PLXNA4: variants seen among roughly 807,000 people sequenced by gnomAD.
PLXNA4 encodes the protein plexin-A4.
Under a neutral mutation model 191.8 loss-of-function variants are expected in PLXNA4, and 44 were observed. The observed-to-expected ratio is 0.23, with a 90% CI of 0.18 to 0.29. The LOEUF (loss-of-function observed/expected upper bound fraction) is 0.29, where lower values mean the gene tolerates loss of function less well. Among genes scored for constraint, PLXNA4 ranks in the 10% least tolerant of loss-of-function variants. The pLI is 1.00. For missense variants in PLXNA4, 1,800 were observed against 2,488.8 expected, an observed-to-expected ratio of 0.72 and a Z score of 5.89; for synonymous variants, 1,082 against 1,009.5, an observed-to-expected ratio of 1.07 and a Z score of -1.36.
Position 132,625,170 on chromosome 7 carries a change from G to T in PLXNA4, c.-87+20758C>A, listed in dbSNP as rs1055553238. ...TGAAAGAACCTAAACCCTCCGACGG[G>T]GTACAGACCGATGACTTCAGCCCAA... is the stretch of plus-strand genomic sequence containing the variant. On this transcript the variant is annotated intron_variant, in intron 2 of 4. Coordinates refer to the PLXNA4 transcript ENST00000378539. 5.3e-5 allele frequency among the ~76,000 whole-genome samples: 8 copies of T among 152,176 alleles called. 1 individual carries two copies. The highest frequency in any genetic ancestry group is 3.9e-4 in the Admixed American group (6 of 15,278).
chr7:132,346,175 G>T (rs1300255052), intron 3 of PLXNA4, among the ~76,000 whole-genome samples: 1 of 152,168 alleles, frequency 6.6e-6, no homozygotes, highest in Non-Finnish European at 1.5e-5. Flanking sequence ...TTGGGCACTT[G>T]TTTGATGTCT....
chr7:132,562,457 TC>T lies in PLXNA4; in HGVS notation c.-87+13964del, dbSNP rs1463594827. 6.9e-4 allele frequency among the ~76,000 whole-genome samples: 26 copies of T among 37,662 alleles called. 3 individuals are homozygous for T. Among genetic ancestry groups the T allele is most frequent in the South Asian group, 5.0e-3 (2 of 402 alleles). The allele number at this position is 37,662 out of a possible 152,430, so 24.7% of individuals were successfully genotyped here. A position where few individuals can be genotyped will look rare whatever the true frequency, so the allele number is the denominator to read the frequency against. ...TTCCTCTTCATCCTCCTCCTCCTTC[TC>T]CTCCTCCTCCTTTCTCCTCCTCCTT... On this transcript the variant is annotated intron_variant, in intron 1 of 31. Coordinates refer to ENST00000321063, the MANE Select transcript of PLXNA4 (RefSeq NM_020911.2).
At chr7:132,492,535 G>A (rs1797849307) in intron 2 of PLXNA4, among the ~76,000 whole-genome samples, 1 of 152,144 alleles carries the variant, frequency 6.6e-6, no homozygotes, top group Admixed American at 6.6e-5. Flanking sequence ...TCTGAATGGG[G>A]CCCCAAGTGA....
intron 3 of PLXNA4, among the ~76,000 whole-genome samples, chr7:132,388,969 T>C (rs1433389): frequency 0.083 from 12,678 of 152,302 alleles, 1,008 homozygotes; most frequent in Admixed American, 0.17. Context: ...CACACAGCTC[T>C]GGCTGGAAGA....
At chr7:132,244,526 CTCTTTT>C (rs1798983953) in intron 4 of PLXNA4, among the ~76,000 whole-genome samples, 1 of 152,214 alleles carries the variant, frequency 6.6e-6, no homozygotes, top group Non-Finnish European at 1.5e-5. Context: ...GTTCTCTCCA[CTCTTTT>C]TAAAGTGTGG....
At chr7:132,172,781 TAAA>T (rs956982693) in intron 21 of PLXNA4, among the ~76,000 whole-genome samples, 15 of 150,052 alleles carry the variant, frequency 1.0e-4, no homozygotes, top group African/African-American at 3.7e-4. Flanking sequence ...ATAATAATAA[TAAA>T]GTTACATCTT....
chr7:132,227,432 G>C lies in PLXNA4; in HGVS notation c.1882+19C>G. On this transcript the variant is annotated intron_variant, in intron 7 of 31. Transcript: ENST00000321063. ...CAGGAGGAAGAAGTGCCACTCAGCT[G>C]TGCCTCCGGGATGCTCACCATTCTC... 1 of 1,614,020 alleles carries C rather than the reference G, an allele frequency of 6.2e-7. No homozygotes were observed. Among genetic ancestry groups the C allele is most frequent in the South Asian group, 1.1e-5 (1 of 91,038 alleles).
At chr7:132,311,188 G>GTGTGTGTGTGTGTGTGTGTGTGTGTGTT (rs1387461691) in intron 3 of PLXNA4, among the ~76,000 whole-genome samples, 2 of 136,450 alleles carry the variant, frequency 1.5e-5, no homozygotes, top group African/African-American at 5.5e-5. Flanking sequence ...GTGTGTGTGT[G>GTGTGTGTGTGTGTGTGTGTGTGTGTGTT]TGTGTGCGCG....
chr7:132,511,331 G>C (rs1203188506), intron 1 of PLXNA4, among the ~76,000 whole-genome samples: 1 of 152,136 alleles, frequency 6.6e-6, no homozygotes, highest in African/African-American at 2.4e-5. Context: ...AAGGACACTG[G>C]TTAAGATGTA....
At chr7:132,392,456 A>G (rs1039373137) in intron 3 of PLXNA4, among the ~76,000 whole-genome samples, 1 of 152,134 alleles carries the variant, frequency 6.6e-6, no homozygotes, top group African/African-American at 2.4e-5. Context: ...TGTCCTCACA[A>G]TCTTTCCAGG....
intron 2 of PLXNA4, among the ~76,000 whole-genome samples, chr7:132,621,605 C>T (rs1443413516): frequency 6.6e-6 from 1 of 151,972 alleles, no homozygotes; most frequent in African/African-American, 2.4e-5. Context: ...TTATTTGAGG[C>T]CCACCATATA....
At chr7:132,399,899 C>G (rs199729561) in intron 3 of PLXNA4, among the ~76,000 whole-genome samples, 4 of 151,986 alleles carry the variant, frequency 2.6e-5, no homozygotes, top group Non-Finnish European at 4.4e-5. Flanking sequence ...TTGACAAATG[C>G]CTTCACCTGT....
chr7:132,259,482 G>GAAAAAAAAAAAAAAAAA (rs1414792493), intron 4 of PLXNA4, among the ~76,000 whole-genome samples: 1 of 111,348 alleles, frequency 9.0e-6, no homozygotes, highest in African/African-American at 3.5e-5. Context: ...AAGAAAAAAG[G>GAAAAAAAAAAAAAAAAA]AAAAAAGAAA....
intron 1 of PLXNA4, among the ~76,000 whole-genome samples, chr7:132,562,962 C>T (rs1480201980): frequency 9.1e-6 from 1 of 109,698 alleles, no homozygotes; most frequent in African/African-American, 4.0e-5. Context: ...CCTCTCCCTC[C>T]TCCTCCTCTC....
At chr7:132,311,156 T>TTTTGTGTGTGTGTGTG (rs1194153948) in intron 3 of PLXNA4, among the ~76,000 whole-genome samples, 1 of 132,040 alleles carries the variant, frequency 7.6e-6, no homozygotes, top group Non-Finnish European at 1.6e-5. Context: ...TCTAGGATAA[T>TTTTGTGTGTGTGTGTG]TGTGTGTGTG....
chr7:132,499,181 T>A (rs1798147932), intron 2 of PLXNA4, among the ~76,000 whole-genome samples: 1 of 152,194 alleles, frequency 6.6e-6, no homozygotes, highest in Admixed American at 6.5e-5. Context: ...AAGCTTCAGC[T>A]CAGAATCCTA....
Position 132,140,685 on chromosome 7 carries a change from C to A in PLXNA4, c.5352G>T (p.Thr1784=), listed in dbSNP as rs749115824. The stretch of plus-strand genomic sequence containing the variant: ...AGTCCTTGCCCAGCCGGTGCTCTGA[C>A]GTGGAGCAAGAGTCCATGAAGGTCT... ...VAQTFMDSCS[T]SEHRLGKDSP... Residue 1784 remains threonine, a synonymous_variant, in exon 30 of 32, where the codon ACG becomes ACT. Coordinates refer to ENST00000321063, the MANE Select transcript of PLXNA4 (RefSeq NM_020911.2). 5.6e-5 allele frequency: 91 copies of A among 1,614,094 alleles called. No homozygotes were observed. Among genetic ancestry groups the A allele is most frequent in the Middle Eastern group, 4.9e-4 (3 of 6,062 alleles).
chr7:132,593,872 G>A (rs894058777), intron 2 of PLXNA4, among the ~76,000 whole-genome samples: 4 of 152,220 alleles, frequency 2.6e-5, no homozygotes, highest in East Asian at 1.9e-4. Flanking sequence ...ACTGGCAAGC[G>A]GTTCCTATGC....
At position 132,506,508 on chromosome 7, in the gene PLXNA4, T is replaced by C. The variant is rs191613672; in HGVS notation, c.1188+998A>G. ...TCATAATCTTTAAAATGCACAGTTA[T>C]AAAAGGAAAAGGACAAGAACACTGA... On this transcript the variant is annotated intron_variant, in intron 2 of 31. Coordinates refer to ENST00000321063, the MANE Select transcript of PLXNA4 (RefSeq NM_020911.2). Among the ~76,000 whole-genome samples the C allele has an allele frequency of 2.1e-4, 32 of 152,246 alleles. 1 individual carries two copies. The highest frequency in any genetic ancestry group is 1.8e-3 in the Admixed American group (28 of 15,296).
Sources: allele counts gnomAD v4.1 joint callset (sites outside exome capture counted in the v4.1 genomes callset), GRCh38; gene constraint gnomAD v4.1.1; transcripts MANE v1.5; gene names NCBI Gene and HGNC (gene_info 2026-07-23, HGNC 2026-07-21).